Variants in ACSL6 observed in about 807,000 individuals in gnomAD.
ACSL6 encodes long-chain-fatty-acid--CoA ligase 6.
A neutral mutation model predicts 98.2 loss-of-function variants in ACSL6; 47 were observed. That is an observed-to-expected ratio of 0.48 (90% CI 0.38 to 0.61). The LOEUF is 0.61. Among genes scored for constraint, ACSL6 ranks in the 20% least tolerant of loss-of-function variants. ACSL6 has a pLI of 0.00. For missense variants in ACSL6, 761 were observed against 913.4 expected (o/e 0.83, Z 2.15); for synonymous variants, 362 against 336.9 (o/e 1.07, Z -0.82).
At position 131,972,732 on chromosome 5, in the gene ACSL6, TA is replaced by T; in HGVS notation, c.1329del (p.Asn443LysfsTer13). On this transcript the variant is annotated frameshift_variant, in exon 13 of 21. Coordinates refer to ENST00000651883, the MANE Select transcript of ACSL6 (RefSeq NM_001009185.3). LOFTEE classifies it high-confidence loss of function. ...NDSIWDELFFNKIQASLGGCV... is the reference protein window; with the variant it reads ...NDSIWDELFFXKIQASLGGCV... ...CTTGTTCATTTTCTTACCTGAATCTTATTAAAGAAGAGTTCATCCCAGATAC... is the reference window on the plus strand; with the variant it reads ...CTTGTTCATTTTCTTACCTGAATCTTTTAAAGAAGAGTTCATCCCAGATAC... 2 of 1,614,180 alleles carry T rather than the reference TA, an allele frequency of 1.2e-6. No individual in the cohort carries two copies. The highest frequency in any genetic ancestry group is 2.2e-5 in the South Asian group (2 of 91,074).
At chr5:132,003,899 G>C (rs1350744919) in intron 1 of ACSL6, 1 of 152,226 alleles carries the variant, frequency 6.6e-6, no homozygotes, top group Non-Finnish European at 1.5e-5. Flanking sequence ...GAAAACAGTA[G>C]TGGCGGAATC....
At chr5:131,984,935 G>A (rs1255901588) in intron 9 of ACSL6, 1 of 193,852 alleles carries the variant, frequency 5.2e-6, no homozygotes, top group Non-Finnish European at 1.1e-5. Flanking sequence ...TGGGGACACT[G>A]GTGGCAGAGA....
At position 131,990,086 on chromosome 5, in the gene ACSL6, C is replaced by T; in HGVS notation, c.450+14G>A. ...AATGGGTGGCCAGGGTGGGGCCTGTCCTGTATCACTCACCTCCTGGTAGGA... is the reference window on the plus strand; with the variant it reads ...AATGGGTGGCCAGGGTGGGGCCTGTTCTGTATCACTCACCTCCTGGTAGGA... On this transcript the variant is annotated intron_variant, in intron 4 of 20. Coordinates refer to ENST00000651883, the MANE Select transcript of ACSL6 (RefSeq NM_001009185.3). 2.5e-6 allele frequency: 4 copies of T among 1,613,170 alleles called. No individual in the cohort carries two copies. In the East Asian group the frequency reaches 8.9e-5, roughly 36 times the overall value.
Position 131,988,849 on chromosome 5 carries a change from T to A in ACSL6, c.608A>T (p.Tyr203Phe). The stretch of plus-strand genomic sequence containing the variant: ...GATAGCCCCAGGGCCCAGGGTGTCA[T>A]AGAGCGGGACCACCACCATGGAATA... The part of the protein sequence containing the change: ...YTYSMVVVPL[Y>F]DTLGPGAIRY... The change falls in exon 6 of 21, where the codon TAT (tyrosine) becomes TTT (phenylalanine). Residue 203 changes from tyrosine (Y) to phenylalanine (F), a missense_variant. Coordinates refer to ENST00000651883, the MANE Select transcript of ACSL6 (RefSeq NM_001009185.3). 1 of 1,612,400 alleles carries A rather than the reference T, an allele frequency of 6.2e-7. No homozygotes were observed. The highest frequency in any genetic ancestry group is 1.1e-5 in the South Asian group (1 of 91,002).
intron 16 of ACSL6, 102 bp from the exon 17 acceptor site, chr5:131,966,634 G>A: frequency 1.0e-6 from 1 of 980,756 alleles, no homozygotes; most frequent in Non-Finnish European, 1.6e-6. Context: ...TACCCATCAG[G>A]AAAGCCACTG....
At chr5:131,970,067 G>T in intron 15 of ACSL6, 61 bp downstream of exon 15, 1 of 1,493,710 alleles carries the variant, frequency 6.7e-7, no homozygotes, top group Non-Finnish European at 9.3e-7. Context: ...GAGTTTTAGA[G>T]CTGGCTGCTT....
Position 131,990,163 on chromosome 5 carries a change from C to G in ACSL6, c.387G>C (p.Gly129=), listed in dbSNP as rs781692384. The G allele has an allele frequency of 1.4e-5, 23 of 1,613,850 alleles. No homozygotes were observed. Among genetic ancestry groups the G allele is most frequent in the Non-Finnish European group, 1.9e-5 (23 of 1,179,934 alleles). The change falls in exon 4 of 21, where the codon GGG becomes GGC. Residue 129 remains glycine (G), a splice_region_variant and synonymous_variant. Transcript: ENST00000651883. ...TCCTGAAACCAAGACAGGGCCCATT[C>G]CCTGTAGAGAGATAAGAAAGCCTTG... ...QVFRRGLSIS[G]NGPCLGFRKP... is the part of the protein sequence containing the mutation.
intron 18 of ACSL6, 37 bp from the exon 19 acceptor site, chr5:131,960,658 A>C (rs1580626144): frequency 6.5e-7 from 1 of 1,541,550 alleles, no homozygotes; most frequent in East Asian, 2.3e-5. Flanking sequence ...AGTCATGACA[A>C]ATGCATTTAA....
intron 18 of ACSL6, 123 bp downstream of exon 18, chr5:131,962,412 G>T: frequency 8.7e-7 from 1 of 1,143,896 alleles, no homozygotes; most frequent in South Asian, 1.9e-5. Flanking sequence ...CTTTAAAAAG[G>T]AGTTTTCTCT....
chr5:132,006,921 G>A (rs1004175692), intron 1 of ACSL6: 2 of 152,052 alleles, frequency 1.3e-5, no homozygotes, highest in Admixed American at 6.6e-5. Flanking sequence ...CCCCCACCTG[G>A]GCACAGAGCC....
At chr5:131,994,592 G>A (rs1754697933) in intron 1 of ACSL6, 1 of 351,542 alleles carries the variant, frequency 2.8e-6, no homozygotes, top group African/African-American at 2.1e-5. Flanking sequence ...TCAAGGCCTG[G>A]GTGCTCTGTT....
At chr5:131,978,558 G>A (rs1753743706) in intron 9 of ACSL6, among the ~76,000 whole-genome samples, 1 of 152,192 alleles carries the variant, frequency 6.6e-6, no homozygotes, top group African/African-American at 2.4e-5. Context: ...GCTCGGGAAA[G>A]GAAGGAGTCT....
At position 131,953,356 on chromosome 5, in the gene ACSL6, G is replaced by A. The variant is rs562763408; in HGVS notation, c.*878C>T. The A allele has an allele frequency of 5.4e-6, 1 of 183,614 alleles. No homozygotes were observed. The highest frequency in any genetic ancestry group is 2.0e-4 in the South Asian group (1 of 5,094). The allele number at this position is 183,614 out of a possible 1,614,324, so 11.4% of individuals were successfully genotyped here. ...TGGCTGGGAACAATGGCTCATGCCT[G>A]TAATCCTAGCACTTAGGGAGGCCAA... is the stretch of plus-strand genomic sequence containing the variant. On this transcript the variant is annotated 3_prime_UTR_variant, in exon 21 of 21. Transcript: ENST00000651883.
chr5:131,960,654 G>C, intron 18 of ACSL6, 33 bp from the exon 19 acceptor site: 2 of 1,551,898 alleles, frequency 1.3e-6, no homozygotes, highest in Non-Finnish European at 1.8e-6. Flanking sequence ...ACACAGTCAT[G>C]ACAAATGCAT....
intron 18 of ACSL6, among the ~76,000 whole-genome samples, chr5:131,962,060 TC>T (rs1310549082): frequency 7.0e-6 from 1 of 142,466 alleles, no homozygotes; most frequent in African/African-American, 2.6e-5. Context: ...GCACCTGTAG[TC>T]CCAGCTATTG....
chr5:131,982,600 T>C (rs1197240904), intron 9 of ACSL6: 1 of 152,514 alleles, frequency 6.6e-6, no homozygotes, highest in Non-Finnish European at 1.5e-5. Context: ...ATCTCCCTCA[T>C]GCTCGTGCCC....
chr5:131,957,893 T>A (rs1752499528), intron 20 of ACSL6, among the ~76,000 whole-genome samples: 1 of 152,020 alleles, frequency 6.6e-6, no homozygotes, highest in Non-Finnish European at 1.5e-5. Context: ...AAGAGGAGAA[T>A]GAGAACAGAG....
At position 131,987,985 on chromosome 5, in the gene ACSL6, G is replaced by A. The variant is rs537515597; in HGVS notation, c.831+63C>T. On this transcript the variant is annotated intron_variant, in intron 7 of 20. Transcript: ENST00000651883. Reference sequence around the variant, plus strand: ...AGGGCATGAGAGGGACAGATAACCAGAAGTTCTGACTTGGTGACCAGCCAG... The same window carrying A: ...AGGGCATGAGAGGGACAGATAACCAAAAGTTCTGACTTGGTGACCAGCCAG... 6 of 1,583,722 alleles carry A rather than the reference G, an allele frequency of 3.8e-6. No homozygotes were observed. The South Asian group carries it at 5.8e-5, about 15-fold the overall frequency.
At chr5:131,981,045 C>G (rs1753860344) in intron 9 of ACSL6, among the ~76,000 whole-genome samples, 1 of 152,160 alleles carries the variant, frequency 6.6e-6, no homozygotes, top group African/African-American at 2.4e-5. Flanking sequence ...GGACTCCCCG[C>G]ATCTTCCTGG....
Sources: allele counts gnomAD v4.1 joint callset (sites outside exome capture counted in the v4.1 genomes callset), GRCh38; gene constraint gnomAD v4.1.1; transcripts MANE v1.5; gene names NCBI Gene and HGNC (gene_info 2026-07-23, HGNC 2026-07-21).